RORB: variants seen among roughly 807,000 people sequenced by gnomAD.
RORB encodes RAR related orphan receptor B, also known as nuclear receptor ROR-beta.
A neutral mutation model predicts 59.1 loss-of-function variants in RORB; 6 were observed. The observed-to-expected ratio is 0.10, with a 90% confidence interval of 0.06 to 0.20. The LOEUF is 0.20. Among genes scored for constraint, RORB ranks in the 10% least tolerant of loss-of-function variants. The pLI, the probability that RORB is intolerant of heterozygous loss-of-function variation, is 1.00. For missense variants in RORB, 320 were observed against 560.5 expected, an observed-to-expected ratio of 0.57 and a Z score of 4.33; for synonymous variants, 215 against 204.5, an observed-to-expected ratio of 1.05 and a Z score of -0.44.
At chr9:74,526,660 C>T (rs781109454) in intron 1 of RORB, among the ~76,000 whole-genome samples, 5 of 151,902 alleles carry the variant, frequency 3.3e-5, no homozygotes, top group African/African-American at 7.2e-5. Flanking sequence ...GCCCAATGTA[C>T]TGTGATTTGT....
Position 74,692,990 on chromosome 9 carries a change from T to C in RORB, c.*7372T>C, listed in dbSNP as rs1824771553. The C allele has an allele frequency of 6.6e-6, 1 of 152,142 alleles. No homozygotes were observed. Among genetic ancestry groups the C allele is most frequent in the Admixed American group, 6.5e-5 (1 of 15,276 alleles). The allele number at this position is 152,142 out of a possible 1,614,324, so 9.4% of individuals were successfully genotyped here. A position where few individuals can be genotyped will look rare whatever the true frequency, so the allele number is the denominator to read the frequency against. On this transcript the variant is annotated 3_prime_UTR_variant, in exon 10 of 10. Coordinates refer to ENST00000376896, the MANE Select transcript of RORB (RefSeq NM_006914.4). ...CACTCCCTAACAATTAAAAAAGAGTTTTATATTACTTTAGAATGTAATAGG... is the reference window on the plus strand; with the variant it reads ...CACTCCCTAACAATTAAAAAAGAGTCTTATATTACTTTAGAATGTAATAGG...
At chr9:74,509,766 C>A (rs1825911351) in intron 1 of RORB, among the ~76,000 whole-genome samples, 1 of 152,020 alleles carries the variant, frequency 6.6e-6, no homozygotes, top group Non-Finnish European at 1.5e-5. Flanking sequence ...TATCATCCTT[C>A]TGTGTTGTGT....
At chr9:74,622,621 A>G (rs1190078512) in intron 1 of RORB, among the ~76,000 whole-genome samples, 2 of 138,060 alleles carry the variant, frequency 1.4e-5, no homozygotes, top group African/African-American at 2.7e-5. Flanking sequence ...CCACCTCCCG[A>G]GTTCAAGCGA....
chr9:74,643,465 G>A (rs1369527690), intron 4 of RORB, among the ~76,000 whole-genome samples: 1 of 152,124 alleles, frequency 6.6e-6, no homozygotes, highest in Non-Finnish European at 1.5e-5. Flanking sequence ...TCTTTCCTTC[G>A]ATTCCTAAGG....
intron 9 of RORB, among the ~76,000 whole-genome samples, chr9:74,682,325 C>T (rs955684949): frequency 6.6e-6 from 1 of 150,932 alleles, no homozygotes; most frequent in East Asian, 2.0e-4. Flanking sequence ...GGAGATATAC[C>T]TAATGTTAAA....
intron 1 of RORB, among the ~76,000 whole-genome samples, chr9:74,587,690 T>C (rs147642784): frequency 5.6e-4 from 86 of 152,252 alleles, no homozygotes; most frequent in African/African-American, 1.9e-3. Flanking sequence ...GCATGACTTA[T>C]CCTCCAGTAG....
At chr9:74,684,466 T>C (rs1824603073) in intron 9 of RORB, among the ~76,000 whole-genome samples, 1 of 151,116 alleles carries the variant, frequency 6.6e-6, no homozygotes, top group Non-Finnish European at 1.5e-5. Context: ...CTCACAATAA[T>C]TTAATCACAG....
At chr9:74,532,729 A>G (rs1275562234) in intron 1 of RORB, among the ~76,000 whole-genome samples, 3 of 148,988 alleles carry the variant, frequency 2.0e-5, no homozygotes, top group Admixed American at 1.3e-4. Context: ...TGTGTTACAT[A>G]TGTTTATATA....
At chr9:74,627,502 C>A (rs1017906086) in intron 1 of RORB, among the ~76,000 whole-genome samples, 2 of 152,170 alleles carry the variant, frequency 1.3e-5, no homozygotes, top group Non-Finnish European at 2.9e-5. Flanking sequence ...TTCCTTATCT[C>A]ATTTGTATTT....
chr9:74,508,554 C>T (rs1236214998), intron 1 of RORB, among the ~76,000 whole-genome samples: 1 of 151,912 alleles, frequency 6.6e-6, no homozygotes, highest in Non-Finnish European at 1.5e-5. Flanking sequence ...GTAAAGGGAA[C>T]TATCTGACAG....
intron 1 of RORB, among the ~76,000 whole-genome samples, chr9:74,559,255 A>G (rs1183411280): frequency 6.6e-6 from 1 of 152,172 alleles, no homozygotes; most frequent in Admixed American, 6.6e-5. Context: ...AAATCATTTT[A>G]TTTACCATAT....
rs150992706 is a variant in RORB at position 74,621,154 on chromosome 9, T to C, written c.8-9128T>C. ...ATTATTAACCATTTATTCTTTGTGTTGTACTATTCTATAGGTTTTGACAAA... is the reference window on the plus strand; with the variant it reads ...ATTATTAACCATTTATTCTTTGTGTCGTACTATTCTATAGGTTTTGACAAA... On this transcript the variant is annotated intron_variant, in intron 1 of 9. Transcript: ENST00000376896. Among the ~76,000 whole-genome samples, 5 of 152,334 alleles carry C rather than the reference T, an allele frequency of 3.3e-5. No individual in the cohort carries two copies. The East Asian group carries it at 9.6e-4, about 29-fold the overall frequency.
intron 1 of RORB, among the ~76,000 whole-genome samples, chr9:74,540,935 G>A (rs923158935): frequency 5.3e-5 from 8 of 151,984 alleles, no homozygotes; most frequent in East Asian, 3.9e-4. Context: ...TGTTTGTATC[G>A]TGTTGTACCC....
chr9:74,647,521 T>C (rs1160911278), intron 4 of RORB, among the ~76,000 whole-genome samples: 1 of 152,238 alleles, frequency 6.6e-6, no homozygotes, highest in East Asian at 1.9e-4. Flanking sequence ...TTCTATTCAG[T>C]AACTTTCTCT....
intron 1 of RORB, among the ~76,000 whole-genome samples, chr9:74,596,453 C>T (rs1035840030): frequency 2.6e-5 from 4 of 152,152 alleles, no homozygotes; most frequent in Admixed American, 6.5e-5. Context: ...TATTGTGTGT[C>T]GTGGCCTCCT....
At chr9:74,543,241 AC>A (rs1325447451) in intron 1 of RORB, among the ~76,000 whole-genome samples, 1 of 151,978 alleles carries the variant, frequency 6.6e-6, no homozygotes, top group Non-Finnish European at 1.5e-5. Context: ...ACGGCAACCC[AC>A]CCTCAAGTGA....
chr9:74,576,555 T>C (rs1250440886), intron 1 of RORB, among the ~76,000 whole-genome samples: 1 of 152,084 alleles, frequency 6.6e-6, no homozygotes, highest in Non-Finnish European at 1.5e-5. Flanking sequence ...ATGATGATTA[T>C]AATGCAAACA....
chr9:74,608,353 C>T (rs769570322), intron 1 of RORB, among the ~76,000 whole-genome samples: 4 of 151,952 alleles, frequency 2.6e-5, no homozygotes, highest in African/African-American at 7.2e-5. Flanking sequence ...ATCATGAGGT[C>T]AGAAGATCGA....
intron 6 of RORB, among the ~76,000 whole-genome samples, chr9:74,663,783 C>T (rs1225126489): frequency 2.6e-5 from 4 of 152,130 alleles, no homozygotes; most frequent in African/African-American, 7.2e-5. Context: ...CTCAGTTCCT[C>T]TCCATGTGAG....
Sources: gnomAD v4.1 joint callset for allele counts (sites outside exome capture counted in the v4.1 genomes callset) on GRCh38, gnomAD v4.1.1 for gene constraint, MANE v1.5 for transcripts, NCBI Gene and HGNC (gene_info 2026-07-23, HGNC 2026-07-21) for gene names.